The following CNTNAP2 variants were observed in gnomAD, a reference collection of about 807,000 sequenced individuals.
The protein encoded by CNTNAP2 is contactin-associated protein-like 2.
A neutral mutation model predicts 155.2 loss-of-function variants in CNTNAP2; 98 were observed. That is an observed-to-expected ratio of 0.63 (90% CI 0.54 to 0.75). CNTNAP2 has a LOEUF of 0.75. CNTNAP2 is among the 30% of genes least tolerant of loss of function. The pLI is 0.00. For synonymous variants in CNTNAP2, 651 were observed against 631.2 expected, an observed-to-expected ratio of 1.03 and a Z score of -0.47; for missense variants, 1,727 against 1,688.1, an observed-to-expected ratio of 1.02 and a Z score of -0.40.
At chr7:146,231,399 C>T (rs990135479) in intron 1 of CNTNAP2, among the ~76,000 whole-genome samples, 2 of 152,100 alleles carry the variant, frequency 1.3e-5, no homozygotes, top group African/African-American at 4.8e-5. Flanking sequence ...CAGTCCTGTT[C>T]GCAGCAACTA....
At chr7:146,562,300 T>G (rs1024343561) in intron 1 of CNTNAP2, among the ~76,000 whole-genome samples, 1 of 152,060 alleles carries the variant, frequency 6.6e-6, no homozygotes, top group African/African-American at 2.4e-5. Flanking sequence ...CTTATATTTT[T>G]AAAAAAATTT....
chr7:147,314,338 G>T (rs928749325), intron 9 of CNTNAP2, among the ~76,000 whole-genome samples: 3 of 152,018 alleles, frequency 2.0e-5, no homozygotes, highest in African/African-American at 7.2e-5. Context: ...AACTTACATT[G>T]TCTTTAATAC....
intron 16 of CNTNAP2, among the ~76,000 whole-genome samples, chr7:148,126,777 A>G (rs1384801216): frequency 6.6e-6 from 1 of 152,162 alleles, no homozygotes; most frequent in Non-Finnish European, 1.5e-5. Context: ...GGTGGACGCG[A>G]AGCCGTTTGA....
chr7:147,620,597 C>A (rs1229694522), intron 12 of CNTNAP2, among the ~76,000 whole-genome samples: 1 of 151,268 alleles, frequency 6.6e-6, no homozygotes, highest in Admixed American at 6.6e-5. Flanking sequence ...AGGTAATTGG[C>A]ATACTGAAGA....
intron 4 of CNTNAP2, among the ~76,000 whole-genome samples, chr7:147,077,039 T>C (rs911332865): frequency 6.6e-6 from 1 of 152,202 alleles, no homozygotes. Context: ...TGGTATTAGA[T>C]GTTTTAATTG....
At chr7:147,949,427 G>T in intron 14 of CNTNAP2, among the ~76,000 whole-genome samples, 1 of 99,540 alleles carries the variant, frequency 1.0e-5, no homozygotes, top group South Asian at 4.1e-4. Flanking sequence ...TGTTGTTCAA[G>T]GATCAACTGT....
intron 1 of CNTNAP2, among the ~76,000 whole-genome samples, chr7:146,362,631 A>C (rs61445650): frequency 0.22 from 34,060 of 152,056 alleles, 8,027 homozygotes; most frequent in African/African-American, 0.6. Flanking sequence ...GTGTCAGGTC[A>C]TGTAAGGCCT....
intron 15 of CNTNAP2, among the ~76,000 whole-genome samples, chr7:147,996,551 T>C (rs1801807832): frequency 6.6e-6 from 1 of 152,120 alleles, no homozygotes; most frequent in African/African-American, 2.4e-5. Context: ...ATCTGTAAAA[T>C]AGAAATAATT....
intron 13 of CNTNAP2, among the ~76,000 whole-genome samples, chr7:147,722,858 A>G (rs1374503299): frequency 6.6e-6 from 1 of 152,096 alleles, no homozygotes; most frequent in Non-Finnish European, 1.5e-5. Flanking sequence ...AATAAAGGGA[A>G]GCTAGAATCA....
intron 11 of CNTNAP2, among the ~76,000 whole-genome samples, chr7:147,522,786 A>C (rs1462005764): frequency 2.0e-5 from 3 of 150,426 alleles, no homozygotes; most frequent in Admixed American, 2.0e-4. Flanking sequence ...AAACAAAAAA[A>C]CAAAAAAAAA....
At chr7:146,354,646 C>CT (rs1224816429) in intron 1 of CNTNAP2, among the ~76,000 whole-genome samples, 8 of 152,010 alleles carry the variant, frequency 5.3e-5, no homozygotes, top group Admixed American at 5.2e-4. Context: ...AATTCCTGGC[C>CT]TTAGGTGATC....
chr7:146,389,087 C>G (rs1795502704), intron 1 of CNTNAP2, among the ~76,000 whole-genome samples: 1 of 152,126 alleles, frequency 6.6e-6, no homozygotes, highest in African/African-American at 2.4e-5. Flanking sequence ...TTTACTCATC[C>G]TATCTGTGGT....
At chr7:146,704,687 C>T (rs559018835) in intron 1 of CNTNAP2, among the ~76,000 whole-genome samples, 9 of 152,256 alleles carry the variant, frequency 5.9e-5, no homozygotes, top group Non-Finnish European at 8.8e-5. Context: ...TTAGGAAACA[C>T]TAGCCTCATA....
At chr7:148,341,161 C>T (rs1347213824) in intron 21 of CNTNAP2, among the ~76,000 whole-genome samples, 2 of 152,246 alleles carry the variant, frequency 1.3e-5, no homozygotes, top group Non-Finnish European at 2.9e-5. Context: ...CCTCATTCCT[C>T]ACGTTCTTTC....
At chr7:146,452,038 G>C (rs1013149314) in intron 1 of CNTNAP2, among the ~76,000 whole-genome samples, 5 of 151,288 alleles carry the variant, frequency 3.3e-5, no homozygotes, top group Non-Finnish European at 7.4e-5. Context: ...CTTCTCAAGT[G>C]GCTGGGACTA....
chr7:148,319,183 T>C lies in CNTNAP2; in HGVS notation c.3475+52057T>C, dbSNP rs1259742680. On this transcript the variant is annotated intron_variant, in intron 21 of 23. Transcript: ENST00000361727. ...GTCAACTTTGTGTTTAATAATATGC[T>C]AGACAGTAATGATGCCTGGAAAATA... Among the ~76,000 whole-genome samples the C allele has an allele frequency of 5.3e-5, 8 of 152,190 alleles. 1 individual carries two copies. The South Asian group carries it at 1.7e-3, about 32-fold the overall frequency.
chr7:146,934,058 A>T (rs564369896), intron 3 of CNTNAP2, among the ~76,000 whole-genome samples: 1 of 152,276 alleles, frequency 6.6e-6, no homozygotes, highest in South Asian at 2.1e-4. Context: ...CTAGAACTAG[A>T]AATACCATTT....
intron 13 of CNTNAP2, among the ~76,000 whole-genome samples, chr7:147,903,247 T>C (rs952865678): frequency 2.0e-5 from 3 of 152,198 alleles, no homozygotes; most frequent in African/African-American, 7.2e-5. Flanking sequence ...CATTTTTTCA[T>C]ATGTTTGTTG....
intron 8 of CNTNAP2, among the ~76,000 whole-genome samples, chr7:147,253,389 T>TTTG (rs1554458568): frequency 6.6e-6 from 1 of 151,822 alleles, no homozygotes; most frequent in African/African-American, 2.4e-5. Context: ...CTCTGTTTTT[T>TTTG]TTTTTTTTTT....
Sources: gnomAD v4.1 joint callset for allele counts (sites outside exome capture counted in the v4.1 genomes callset) on GRCh38, gnomAD v4.1.1 for gene constraint, MANE v1.5 for transcripts, NCBI Gene and HGNC (gene_info 2026-07-23, HGNC 2026-07-21) for gene names.